GLIS3: variants seen among roughly 807,000 people sequenced by gnomAD.
The protein encoded by GLIS3 is zinc finger protein GLIS3.
GLIS3 carries 53 observed loss-of-function variants against 78.6 expected under a neutral mutation model. The ratio of observed to expected loss-of-function variants is 0.67; its 90% CI spans 0.54 to 0.85. The LOEUF (loss-of-function observed/expected upper bound fraction) is 0.85, where lower values mean the gene tolerates loss of function less well. GLIS3 is among the 40% of genes least tolerant of loss of function. GLIS3 has a pLI of 0.00. For synonymous variants in GLIS3, 684 were observed against 509.9 expected (o/e 1.34, Z -4.60); for missense variants, 1,703 against 1,231.1 (o/e 1.38, Z -5.74).
chr9:4,123,969 C>G (rs1832380644), intron 3 of GLIS3: 3 of 389,770 alleles, frequency 7.7e-6, no homozygotes, highest in Admixed American at 8.9e-5. Flanking sequence ...CCAGCATGCC[C>G]CCAATGTATA....
intron 2 of GLIS3, among the ~76,000 whole-genome samples, chr9:4,162,545 A>C (rs533127083): frequency 1.3e-5 from 2 of 152,334 alleles, no homozygotes; most frequent in South Asian, 4.1e-4. Flanking sequence ...ACCGTTTCAG[A>C]ATGGAAGATT....
chr9:4,352,115 G>C (rs1193206534), upstream of GLIS3, among the ~76,000 whole-genome samples: 1 of 152,218 alleles, frequency 6.6e-6, no homozygotes, highest in Non-Finnish European at 1.5e-5. Context: ...TGGAAAAGTA[G>C]ATTTCTGTTA....
intron 4 of GLIS3, among the ~76,000 whole-genome samples, chr9:3,937,454 ACCGT>A (rs1825960636): frequency 6.6e-6 from 1 of 152,204 alleles, no homozygotes; most frequent in South Asian, 2.1e-4. Context: ...GAGAAAATTC[ACCGT>A]GAGCCATCTG....
At chr9:4,259,991 G>A (rs916572655) in intron 2 of GLIS3, among the ~76,000 whole-genome samples, 1 of 152,170 alleles carries the variant, frequency 6.6e-6, no homozygotes, top group Admixed American at 6.5e-5. Flanking sequence ...CAAGAAGTGG[G>A]GAAATTTAAG....
chr9:3,952,608 A>G (rs1437826601), intron 4 of GLIS3, among the ~76,000 whole-genome samples: 1 of 152,222 alleles, frequency 6.6e-6, no homozygotes, highest in East Asian at 1.9e-4. Context: ...TGAAAATTAC[A>G]AATTCTGGGA....
chr9:4,054,409 T>G lies in GLIS3; in HGVS notation c.1710+63359A>C, dbSNP rs1049520544. The G allele has an allele frequency of 3.9e-5, 38 of 985,272 alleles. 1 individual carries two copies. Among genetic ancestry groups the G allele is most frequent in the Middle Eastern group, 1.0e-3 (2 of 1,936 alleles). The allele number at this position is 985,272 out of a possible 1,614,324, so 61.0% of individuals were successfully genotyped here. A position where few individuals can be genotyped will look rare whatever the true frequency, so the allele number is the denominator to read the frequency against. On this transcript the variant is annotated intron_variant, in intron 4 of 10. Transcript: ENST00000381971. Reference sequence around the variant, plus strand: ...CCAAGCTCAGAGGAACCATCTGAATTTAACGGTTGGTTACAAACACTTTGG... The same window carrying G: ...CCAAGCTCAGAGGAACCATCTGAATGTAACGGTTGGTTACAAACACTTTGG...
rs1282878888 is a variant in GLIS3, at chr9:4,337,334, T to TTAA, written n.264+9744_264+9746dup. 4.7e-4 allele frequency among the ~76,000 whole-genome samples: 71 copies of TTAA among 152,318 alleles called. 1 individual carries two copies. The stretch of plus-strand genomic sequence containing the variant: ...TAAATGTCTAACAATCAGAAAATAG[T>TTAA]TAATTAAATACAGCCATATGATTAG... On this transcript the variant is annotated intron_variant and non_coding_transcript_variant, in intron 2 of 4. Transcript: ENST00000471664.
intron 2 of GLIS3, among the ~76,000 whole-genome samples, chr9:4,168,694 G>A (rs1050967467): frequency 6.6e-6 from 1 of 152,124 alleles, no homozygotes; most frequent in Non-Finnish European, 1.5e-5. Context: ...TATGAGTGTT[G>A]TAACTGTCCT....
At chr9:4,310,691 C>A (rs1817336453) in intron 2 of GLIS3, among the ~76,000 whole-genome samples, 1 of 152,110 alleles carries the variant, frequency 6.6e-6, no homozygotes. Context: ...ATGTGTGACA[C>A]CAAGGACCTC....
At chr9:4,278,760 C>T (rs1468783021) in intron 2 of GLIS3, among the ~76,000 whole-genome samples, 1 of 152,220 alleles carries the variant, frequency 6.6e-6, no homozygotes, top group Non-Finnish European at 1.5e-5. Flanking sequence ...GTTACTTATA[C>T]ATTTTGAAAG....
chr9:4,121,759 C>G (rs753119027), intron 3 of GLIS3, among the ~76,000 whole-genome samples: 1 of 151,946 alleles, frequency 6.6e-6, no homozygotes, highest in Non-Finnish European at 1.5e-5. Flanking sequence ...ACATTGTATC[C>G]CACATGTCAC....
intron 2 of GLIS3, among the ~76,000 whole-genome samples, chr9:4,201,941 G>C (rs955776212): frequency 4.6e-5 from 7 of 152,050 alleles, no homozygotes; most frequent in African/African-American, 1.7e-4. Context: ...TTCGAGACCA[G>C]CCTGGCCAGT....
intron 4 of GLIS3, among the ~76,000 whole-genome samples, chr9:4,090,378 A>G (rs1300081814): frequency 2.0e-5 from 3 of 152,134 alleles, no homozygotes; most frequent in Non-Finnish European, 4.4e-5. Flanking sequence ...CTCAATAAAA[A>G]CAAAATAAGA....
chr9:4,213,755 A>G (rs1820572710), intron 2 of GLIS3, among the ~76,000 whole-genome samples: 1 of 152,194 alleles, frequency 6.6e-6, no homozygotes, highest in Admixed American at 6.5e-5. Context: ...TGCATAATAT[A>G]CATGTGCTCT....
chr9:4,359,600 A>G, the GLIS3 span, among the ~76,000 whole-genome samples: 2 of 152,212 alleles, frequency 1.3e-5, no homozygotes, highest in Non-Finnish European at 2.9e-5. Flanking sequence ...TATTTTGTAG[A>G]AAGAACTTGG....
chr9:3,868,417 A>T (rs1000719368), intron 8 of GLIS3, among the ~76,000 whole-genome samples: 1 of 141,964 alleles, frequency 7.0e-6, no homozygotes, highest in South Asian at 2.5e-4. Context: ...GTAGTTCATG[A>T]CTACATAAAA....
the GLIS3 span, among the ~76,000 whole-genome samples, chr9:4,477,417 G>A: frequency 6.7e-6 from 1 of 149,714 alleles, no homozygotes; most frequent in South Asian, 2.1e-4. Flanking sequence ...TTTTGGGGGG[G>A]CTGGGTTTTT....
chr9:4,100,140 G>A (rs1830255866), intron 4 of GLIS3, among the ~76,000 whole-genome samples: 2 of 152,184 alleles, frequency 1.3e-5, no homozygotes, highest in Admixed American at 1.3e-4. Context: ...TTTTCTTTCT[G>A]TTATATATCG....
chr9:3,909,264 C>A (rs1321846154), intron 6 of GLIS3, among the ~76,000 whole-genome samples: 1 of 152,092 alleles, frequency 6.6e-6, no homozygotes, highest in Non-Finnish European at 1.5e-5. Flanking sequence ...AATGAATTAA[C>A]CTATTATATT....
Sources: gnomAD v4.1 joint callset for allele counts (sites outside exome capture counted in the v4.1 genomes callset) on GRCh38, gnomAD v4.1.1 for gene constraint, MANE v1.5 for transcripts, NCBI Gene and HGNC (gene_info 2026-07-23, HGNC 2026-07-21) for gene names.